The following SP4 variants were observed in gnomAD, a reference collection of about 807,000 sequenced individuals.
SP4 encodes the protein transcription factor Sp4.
SP4 carries 19 observed loss-of-function variants against 72.8 expected under a neutral mutation model. The ratio of observed to expected loss-of-function variants is 0.26; its 90% CI spans 0.18 to 0.38. SP4 has a LOEUF of 0.38. Among genes scored for constraint, SP4 ranks in the 10% least tolerant of loss-of-function variants. The pLI is 1.00. For synonymous variants in SP4, 395 were observed against 333.1 expected (o/e 1.19, Z -2.02); for missense variants, 1,008 against 926.3 (o/e 1.09, Z -1.14).
chr7:21,496,908 T>C (rs953558825), intron 5 of SP4, among the ~76,000 whole-genome samples: 3 of 152,208 alleles, frequency 2.0e-5, no homozygotes, highest in Non-Finnish European at 4.4e-5. Context: ...CTCATGCTAT[T>C]CTGAGCAGGC....
At chr7:21,458,829 T>A (rs1001729246) in intron 3 of SP4, among the ~76,000 whole-genome samples, 1 of 152,034 alleles carries the variant, frequency 6.6e-6, no homozygotes, top group Non-Finnish European at 1.5e-5. Flanking sequence ...CTGTGGCCAG[T>A]TCATTTACAC....
At chr7:21,432,821 C>T (rs1241617987) in intron 3 of SP4, among the ~76,000 whole-genome samples, 1 of 151,972 alleles carries the variant, frequency 6.6e-6, no homozygotes, top group East Asian at 1.9e-4. Flanking sequence ...TAGGGAGACC[C>T]CGTCTCTACA....
At chr7:21,496,567 CTCTTTG>C (rs1434387314) in intron 5 of SP4, among the ~76,000 whole-genome samples, 1 of 152,180 alleles carries the variant, frequency 6.6e-6, no homozygotes, top group Non-Finnish European at 1.5e-5. Context: ...TCTAGATTTT[CTCTTTG>C]TCTTTGTCTT....
At chr7:21,486,088 C>T (rs969077780) in intron 5 of SP4, among the ~76,000 whole-genome samples, 1 of 151,652 alleles carries the variant, frequency 6.6e-6, no homozygotes, top group Non-Finnish European at 1.5e-5. Flanking sequence ...ATACAGTATT[C>T]TAGATTGAAA....
Position 21,430,080 on chromosome 7 carries a change from C to G in SP4, c.915C>G (p.Thr305=). The change falls in exon 3 of 6, where the codon ACC becomes ACG. Residue 305 remains threonine, a synonymous_variant. Transcript: ENST00000222584. ...GGAATCAATTAGTTTCCACACCCAC[C>G]AACACCACTACTTCTGCCAGTACTA... ...SNGNQLVSTP[T]NTTTSASTMP... is the part of the protein sequence containing the mutation. 1 of 1,614,192 alleles carries G rather than the reference C, an allele frequency of 6.2e-7. No individual in the cohort carries two copies. The highest frequency in any genetic ancestry group is 8.5e-7 in the Non-Finnish European group (1 of 1,180,038).
intron 3 of SP4, chr7:21,471,202 T>C (rs1394475990): frequency 2.0e-6 from 1 of 511,856 alleles, no homozygotes; most frequent in East Asian, 5.7e-5. Flanking sequence ...CTTTATGTAC[T>C]ATGCTAAGAA....
chr7:21,449,066 C>A lies in SP4; in HGVS notation c.1678+18223C>A, dbSNP rs559537924. ...AACCAATCCAGAGCCTGCATCCTAA[C>A]CACCTCCTATATTAGGTTCTCATAC... is the stretch of plus-strand genomic sequence containing the variant. On this transcript the variant is annotated intron_variant, in intron 3 of 5. Transcript: ENST00000222584. Among the ~76,000 whole-genome samples the A allele has an allele frequency of 2.0e-5, 3 of 152,308 alleles. No individual in the cohort carries two copies. The South Asian group carries it at 6.2e-4, about 32-fold the overall frequency.
chr7:21,443,084 T>C (rs1783311701), intron 3 of SP4, among the ~76,000 whole-genome samples: 1 of 152,102 alleles, frequency 6.6e-6, no homozygotes, highest in Non-Finnish European at 1.5e-5. Flanking sequence ...GCTCAAGGAG[T>C]GTTCATATAA....
intron 3 of SP4, among the ~76,000 whole-genome samples, chr7:21,461,450 C>A (rs554130484): frequency 6.6e-6 from 1 of 152,310 alleles, no homozygotes; most frequent in East Asian, 1.9e-4. Context: ...CTGGGGGACC[C>A]GGCGCATCCT....
chr7:21,472,225 C>G (rs1784366551), intron 3 of SP4, among the ~76,000 whole-genome samples: 1 of 152,086 alleles, frequency 6.6e-6, no homozygotes, highest in Non-Finnish European at 1.5e-5. Context: ...AATGAGAAGT[C>G]AGAACCCTGG....
At chr7:21,499,521 G>T (rs968806438) in intron 5 of SP4, among the ~76,000 whole-genome samples, 13 of 152,152 alleles carry the variant, frequency 8.5e-5, no homozygotes, top group African/African-American at 2.9e-4. Context: ...GCCAAGGATT[G>T]CCAGCAGTCA....
At chr7:21,459,116 A>ATTGTT (rs3835335) in intron 3 of SP4, among the ~76,000 whole-genome samples, 81,228 of 150,560 alleles carry the variant, frequency 0.54, 23,622 homozygotes, top group East Asian at 0.78. Flanking sequence ...TGTTTTGGGA[A>ATTGTT]TTGTTTTGTT....
chr7:21,428,639 C>G (rs771516055), intron 1 of SP4, 38 bp from the exon 2 acceptor site: 10 of 1,511,620 alleles, frequency 6.6e-6, no homozygotes, highest in Admixed American at 2.1e-5. Context: ...TCCTAATAAC[C>G]TGTTGTCGTG....
At chr7:21,454,197 A>G (rs1438361114) in intron 3 of SP4, among the ~76,000 whole-genome samples, 1 of 152,190 alleles carries the variant, frequency 6.6e-6, no homozygotes, top group Non-Finnish European at 1.5e-5. Flanking sequence ...CAGCATAGCT[A>G]GGGGGCATGG....
At chr7:21,465,790 G>A (rs1249684223) in intron 3 of SP4, among the ~76,000 whole-genome samples, 1 of 152,072 alleles carries the variant, frequency 6.6e-6, no homozygotes, top group Non-Finnish European at 1.5e-5. Flanking sequence ...TTGAGCCTAG[G>A]GGTTTGAGAT....
In SP4 at chr7:21,440,195, T is replaced by C. The variant is rs1393892952; in HGVS notation, c.1678+9352T>C. Among the ~76,000 whole-genome samples the C allele has an allele frequency of 3.9e-5, 6 of 152,222 alleles. No homozygotes were observed. In the East Asian group the frequency reaches 1.2e-3, roughly 29 times the overall value. ...TTAGTTGTACCACTCTGGGCAAACA[T>C]CATAATTGTAGTTCCATTCCTTTTT... On this transcript the variant is annotated intron_variant, in intron 3 of 5. Coordinates refer to ENST00000222584, the MANE Select transcript of SP4 (RefSeq NM_003112.5).
At chr7:21,465,214 G>T (rs1002504443) in intron 3 of SP4, among the ~76,000 whole-genome samples, 1 of 152,152 alleles carries the variant, frequency 6.6e-6, no homozygotes, top group East Asian at 1.9e-4. Context: ...AACACCAAAT[G>T]ACTAGAGTTG....
chr7:21,457,120 C>A (rs1214969236), intron 3 of SP4, among the ~76,000 whole-genome samples: 1 of 152,248 alleles, frequency 6.6e-6, no homozygotes. Flanking sequence ...CCTATAACTT[C>A]CTAAATAAAA....
intron 3 of SP4, among the ~76,000 whole-genome samples, chr7:21,448,741 CTCTTT>C (rs1223867810): frequency 8.5e-5 from 13 of 152,266 alleles, no homozygotes; most frequent in African/African-American, 2.9e-4. Flanking sequence ...TTTACCTTTA[CTCTTT>C]TCTTCTAAAT....
Sources: gnomAD v4.1 joint callset for allele counts (sites outside exome capture counted in the v4.1 genomes callset) on GRCh38, gnomAD v4.1.1 for gene constraint, MANE v1.5 for transcripts, NCBI Gene and HGNC (gene_info 2026-07-23, HGNC 2026-07-21) for gene names.